The following SBF2 variants were observed in gnomAD, a reference collection of about 807,000 sequenced individuals.
SBF2 encodes SET binding factor 2.
A neutral mutation model predicts 225.2 loss-of-function variants in SBF2; 112 were observed. The ratio of observed to expected loss-of-function variants is 0.50; its 90% CI spans 0.43 to 0.58. SBF2 has a LOEUF of 0.58. SBF2 is among the 20% of genes least tolerant of loss of function. SBF2 has a pLI of 0.00. For synonymous variants in SBF2, 763 were observed against 773.3 expected (o/e 0.99, Z 0.22); for missense variants, 1,996 against 2,206.2 (o/e 0.90, Z 1.91).
chr11:9,972,542 G>A (rs549834479), intron 13 of SBF2, among the ~76,000 whole-genome samples: 14 of 152,186 alleles, frequency 9.2e-5, no homozygotes, highest in African/African-American at 1.7e-4. Context: ...GTGCAGTGGC[G>A]CGATCTCTGC....
chr11:10,268,724 G>A (rs181372364), intron 1 of SBF2, among the ~76,000 whole-genome samples: 4 of 151,666 alleles, frequency 2.6e-5, no homozygotes, highest in Admixed American at 1.3e-4. Flanking sequence ...GTTTCTCTAC[G>A]GATAGCATAC....
chr11:10,007,868 C>T (rs1948266438), intron 6 of SBF2, among the ~76,000 whole-genome samples: 1 of 152,176 alleles, frequency 6.6e-6, no homozygotes, highest in South Asian at 2.1e-4. Context: ...CTATGTAAGG[C>T]CTGAGCCAAA....
intron 1 of SBF2, among the ~76,000 whole-genome samples, chr11:10,196,589 A>T (rs1280636208): frequency 1.3e-5 from 2 of 151,598 alleles, no homozygotes; most frequent in Non-Finnish European, 2.9e-5. Flanking sequence ...ACATTGCCCA[A>T]GTTGGTCTTG....
chr11:10,293,498 C>G (rs1964301610), intron 1 of SBF2, among the ~76,000 whole-genome samples: 1 of 152,232 alleles, frequency 6.6e-6, no homozygotes, highest in African/African-American at 2.4e-5. Flanking sequence ...CCTGGTACCA[C>G]GCGTTCCTTG....
chr11:10,300,492 C>T (rs897532234), intron 1 of SBF2, among the ~76,000 whole-genome samples: 1 of 151,432 alleles, frequency 6.6e-6, no homozygotes, highest in African/African-American at 2.4e-5. Context: ...ATGATGAAAC[C>T]ACATCTCTAT....
intron 16 of SBF2, among the ~76,000 whole-genome samples, chr11:9,948,783 G>C (rs2134318478): frequency 6.6e-6 from 1 of 152,238 alleles, no homozygotes; most frequent in East Asian, 1.9e-4. Flanking sequence ...AGCATCATTA[G>C]CTTAAATTCA....
chr11:10,234,082 A>T (rs1958966654), intron 1 of SBF2, among the ~76,000 whole-genome samples: 1 of 152,234 alleles, frequency 6.6e-6, no homozygotes, highest in Non-Finnish European at 1.5e-5. Flanking sequence ...AAAGATCCAG[A>T]TTTAAAATTA....
chr11:9,867,683 G>C (rs888959835), intron 17 of SBF2, among the ~76,000 whole-genome samples: 7 of 152,144 alleles, frequency 4.6e-5, no homozygotes, highest in African/African-American at 1.7e-4. Flanking sequence ...ATAATATTCA[G>C]CCATAAAAAA....
At chr11:9,960,224 G>T (rs1331309567) in intron 16 of SBF2, 1 of 152,414 alleles carries the variant, frequency 6.6e-6, no homozygotes, top group Non-Finnish European at 1.5e-5. Context: ...TCTCTCTATG[G>T]TATCTTTTAA....
rs751248866 is a variant in SBF2, at chr11:9,850,025, A to G, written c.2804T>C (p.Leu935Ser). ...TCTGATGGCATATCGAGTCATACCT[A>G]ACTGATCATGGGGTGTTCCTCTGAA... Reference protein sequence around the residue: ...ILFRGTPHDQLVGEQTVVRSF... With the variant: ...ILFRGTPHDQSVGEQTVVRSF... The change falls in exon 22 of 40, where the codon TTA becomes TCA. Residue 935 changes from leucine (L) to serine (S), a missense_variant and splice_region_variant. Coordinates refer to ENST00000256190, the MANE Select transcript of SBF2 (RefSeq NM_030962.4). 6.2e-6 allele frequency: 10 copies of G among 1,613,618 alleles called. No individual in the cohort carries two copies. Among genetic ancestry groups the G allele is most frequent in the Non-Finnish European group, 8.5e-6 (10 of 1,179,776 alleles).
chr11:10,197,895 C>A (rs548172668), intron 1 of SBF2, among the ~76,000 whole-genome samples: 1 of 152,216 alleles, frequency 6.6e-6, no homozygotes, highest in South Asian at 2.1e-4. Flanking sequence ...AAGGTTTTAT[C>A]GTGAGATTGT....
chr11:9,959,694 G>C (rs1866431011), intron 16 of SBF2: 2 of 719,548 alleles, frequency 2.8e-6, no homozygotes, highest in Non-Finnish European at 5.3e-6. Context: ...CATCGATTCA[G>C]ATATACATGG....
intron 2 of SBF2, among the ~76,000 whole-genome samples, chr11:10,056,772 C>T (rs1163707625): frequency 6.6e-6 from 1 of 152,134 alleles, no homozygotes; most frequent in East Asian, 1.9e-4. Context: ...CTGAATTTCC[C>T]CTGGGATGGT....
intron 13 of SBF2, among the ~76,000 whole-genome samples, chr11:9,986,512 T>C (rs975159089): frequency 3.3e-5 from 5 of 152,022 alleles, no homozygotes; most frequent in Non-Finnish European, 7.4e-5. Flanking sequence ...TTTGAAAAGA[T>C]AAATAAAATT....
intron 3 of SBF2, among the ~76,000 whole-genome samples, chr11:10,040,626 G>T (rs1949616845): frequency 6.6e-6 from 1 of 151,966 alleles, no homozygotes; most frequent in Admixed American, 6.6e-5. Flanking sequence ...CTGGAATATG[G>T]ATAGTAGGTT....
chr11:9,828,158 T>A (rs1855173817), intron 28 of SBF2: 1 of 1,289,576 alleles, frequency 7.8e-7, no homozygotes, highest in Admixed American at 2.3e-5. Flanking sequence ...TGGGTTTACA[T>A]CCAAATGTCC....
At chr11:10,215,778 T>C (rs983961529) in intron 1 of SBF2, among the ~76,000 whole-genome samples, 3 of 152,254 alleles carry the variant, frequency 2.0e-5, no homozygotes, top group Admixed American at 2.0e-4. Context: ...CTTCAAATCA[T>C]TTTCCCCAAA....
At chr11:9,945,908 C>T (rs1865533960) in intron 16 of SBF2, among the ~76,000 whole-genome samples, 3 of 151,512 alleles carry the variant, frequency 2.0e-5, no homozygotes, top group African/African-American at 7.3e-5. Flanking sequence ...TCAGAGTGGA[C>T]TATTATTAAA....
At chr11:9,874,712 G>A (rs1224319902) in intron 17 of SBF2, among the ~76,000 whole-genome samples, 1 of 152,202 alleles carries the variant, frequency 6.6e-6, no homozygotes, top group African/African-American at 2.4e-5. Context: ...ACACAAATTA[G>A]AGGCTACAAA....
Sources: gnomAD v4.1 joint callset for allele counts (sites outside exome capture counted in the v4.1 genomes callset) on GRCh38, gnomAD v4.1.1 for gene constraint, MANE v1.5 for transcripts, NCBI Gene and HGNC (gene_info 2026-07-23, HGNC 2026-07-21) for gene names.